The following SEMA5A variants were observed in gnomAD, a reference collection of about 807,000 sequenced individuals.
SEMA5A encodes semaphorin 5A, also known as semaphorin-5A.
A neutral mutation model predicts 135.5 loss-of-function variants in SEMA5A; 55 were observed. The ratio of observed to expected loss-of-function variants is 0.41; its 90% CI spans 0.33 to 0.51. The LOEUF is 0.51. SEMA5A is among the 20% of genes least tolerant of loss of function. The pLI is 0.37. For missense variants in SEMA5A, 1,290 were observed against 1,419.9 expected (o/e 0.91, Z 1.47); for synonymous variants, 580 against 546.5 (o/e 1.06, Z -0.85).
chr5:9,110,650 T>C (rs3777248), intron 15 of SEMA5A, among the ~76,000 whole-genome samples: 17,668 of 152,148 alleles, frequency 0.12, 1,580 homozygotes, highest in East Asian at 0.32. Flanking sequence ...GGAGAGATAG[T>C]TGATGTGTAG....
intron 16 of SEMA5A, among the ~76,000 whole-genome samples, chr5:9,073,280 G>A (rs951259459): frequency 6.6e-6 from 1 of 152,080 alleles, no homozygotes; most frequent in African/African-American, 2.4e-5. Context: ...TGGCTTTCAT[G>A]TCATCAATGA....
At chr5:9,334,226 G>A (rs1351087221) in intron 4 of SEMA5A, among the ~76,000 whole-genome samples, 2 of 151,952 alleles carry the variant, frequency 1.3e-5, no homozygotes, top group East Asian at 1.9e-4. Context: ...AAAAAAAATC[G>A]ACTATTATTC....
intron 12 of SEMA5A, among the ~76,000 whole-genome samples, chr5:9,150,609 C>T (rs1742581543): frequency 6.6e-6 from 1 of 152,094 alleles, no homozygotes; most frequent in African/African-American, 2.4e-5. Context: ...TGATCAGTCA[C>T]AACACACGTG....
intron 1 of SEMA5A, among the ~76,000 whole-genome samples, chr5:9,519,644 A>G (rs1736708682): frequency 6.6e-6 from 1 of 152,204 alleles, no homozygotes; most frequent in Admixed American, 6.5e-5. Flanking sequence ...GTTTCCCATC[A>G]CCATGCATGT....
At chr5:9,520,248 C>T (rs1034278555) in intron 1 of SEMA5A, among the ~76,000 whole-genome samples, 2 of 152,220 alleles carry the variant, frequency 1.3e-5, no homozygotes, top group African/African-American at 4.8e-5. Context: ...GTTGTCAGGA[C>T]TGGACATACA....
chr5:9,321,782 C>T (rs955525582), intron 4 of SEMA5A, among the ~76,000 whole-genome samples: 17 of 152,168 alleles, frequency 1.1e-4, no homozygotes, highest in Non-Finnish European at 2.4e-4. Flanking sequence ...GAAACTCATT[C>T]ATTTAGTAAA....
At chr5:9,298,141 A>G (rs1268934297) in intron 5 of SEMA5A, among the ~76,000 whole-genome samples, 1 of 152,220 alleles carries the variant, frequency 6.6e-6, no homozygotes, top group East Asian at 1.9e-4. Flanking sequence ...TACAGAGGTA[A>G]TCAAGTTAAA....
At chr5:9,268,453 G>A (rs1749794191) in intron 5 of SEMA5A, among the ~76,000 whole-genome samples, 2 of 152,066 alleles carry the variant, frequency 1.3e-5, no homozygotes, top group African/African-American at 4.8e-5. Flanking sequence ...AGACTCCCAG[G>A]GAAGGAAATG....
chr5:9,468,421 G>A (rs1420366974), intron 1 of SEMA5A, among the ~76,000 whole-genome samples: 1 of 152,164 alleles, frequency 6.6e-6, no homozygotes, highest in African/African-American at 2.4e-5. Flanking sequence ...AACCTAAAAA[G>A]TGTAGGTTTG....
At chr5:9,151,244 C>T (rs1742619804) in intron 12 of SEMA5A, among the ~76,000 whole-genome samples, 1 of 152,036 alleles carries the variant, frequency 6.6e-6, no homozygotes, top group African/African-American at 2.4e-5. Context: ...TGTGCATTGT[C>T]TTTGGAAAAA....
chr5:9,223,155 G>C (rs1747097305), intron 8 of SEMA5A, among the ~76,000 whole-genome samples: 1 of 152,196 alleles, frequency 6.6e-6, no homozygotes, highest in African/African-American at 2.4e-5. Flanking sequence ...TGATGTTAAT[G>C]GGAGAATTCT....
rs397935817 is a variant in SEMA5A at position 9,145,802 on chromosome 5, C to CTT, written c.1481+8684_1481+8685dup. 1.0e-2 allele frequency among the ~76,000 whole-genome samples: 1,383 copies of CTT among 138,898 alleles called. 15 individuals are homozygous for CTT. Among genetic ancestry groups the CTT allele is most frequent in the African/African-American group, 0.03 (1,124 of 37,436 alleles). 91.1% of individuals were successfully genotyped at this position (138,898 alleles called of 152,430 possible). A position where few individuals can be genotyped will look rare whatever the true frequency, so the allele number is the denominator to read the frequency against. ...TACAGGCGCCTGCCACCACATCCAG[C>CTT]TTTTTTTTTTTTTTGTATTTTTAGC... On this transcript the variant is annotated intron_variant, in intron 12 of 22. Coordinates refer to ENST00000382496, the MANE Select transcript of SEMA5A (RefSeq NM_003966.3).
chr5:9,456,315 C>T (rs943147691), intron 1 of SEMA5A, among the ~76,000 whole-genome samples: 1 of 152,230 alleles, frequency 6.6e-6, no homozygotes, highest in Non-Finnish European at 1.5e-5. Flanking sequence ...CTGCAACTGG[C>T]TGCTTCTGTA....
chr5:9,190,361 GGGCACT>G lies in SEMA5A; in HGVS notation c.1173_1178del (p.Val392_Pro393del). On this transcript the variant is annotated inframe_deletion, in exon 11 of 23. Coordinates refer to ENST00000382496, the MANE Select transcript of SEMA5A (RefSeq NM_003966.3). ...AGCGGCTATTGTCCTCCATGAAGGA[GGGCACT>G]GTGGTCACTGGCTGTACCACCTCAT... The G allele has an allele frequency of 6.2e-7, 1 of 1,614,008 alleles. No individual in the cohort carries two copies. Among genetic ancestry groups the G allele is most frequent in the Non-Finnish European group, 8.5e-7 (1 of 1,180,014 alleles).
At position 9,038,348 on chromosome 5, in the gene SEMA5A, G is replaced by A. The variant is rs1041124762; in HGVS notation, c.*4549C>T. Reference sequence around the variant, plus strand: ...TAGTACCTGTTGCCTCTGGTTCTGTGTTCCAGAGCCATCTCTTGAGATAGA... The same window carrying A: ...TAGTACCTGTTGCCTCTGGTTCTGTATTCCAGAGCCATCTCTTGAGATAGA... On this transcript the variant is annotated 3_prime_UTR_variant, in exon 23 of 23. Coordinates refer to ENST00000382496, the MANE Select transcript of SEMA5A (RefSeq NM_003966.3). The A allele has an allele frequency of 6.6e-6, 1 of 152,136 alleles. No individual in the cohort carries two copies. The highest frequency in any genetic ancestry group is 2.4e-5 in the African/African-American group (1 of 41,416). The allele number at this position is 152,136 out of a possible 1,614,324, so 9.4% of individuals were successfully genotyped here.
At chr5:9,450,162 C>A (rs984848948) in intron 1 of SEMA5A, among the ~76,000 whole-genome samples, 3 of 152,174 alleles carry the variant, frequency 2.0e-5, no homozygotes, top group African/African-American at 7.2e-5. Context: ...GTCTCCACTG[C>A]CCTTGAGAAC....
intron 5 of SEMA5A, among the ~76,000 whole-genome samples, chr5:9,251,594 G>A (rs994413902): frequency 5.9e-5 from 9 of 152,150 alleles, no homozygotes; most frequent in Admixed American, 2.6e-4. Context: ...AGATTAACCA[G>A]AACCAATATG....
At chr5:9,183,374 G>A (rs1231905091) in intron 11 of SEMA5A, among the ~76,000 whole-genome samples, 1 of 152,130 alleles carries the variant, frequency 6.6e-6, no homozygotes, top group Non-Finnish European at 1.5e-5. Flanking sequence ...CTGCACTTCT[G>A]GGCTGCAGCT....
At chr5:9,147,994 G>A (rs1324403138) in intron 12 of SEMA5A, among the ~76,000 whole-genome samples, 1 of 152,156 alleles carries the variant, frequency 6.6e-6, no homozygotes, top group Non-Finnish European at 1.5e-5. Context: ...CCCAGGCTTT[G>A]GGAGCTTATG....
Sources: gnomAD v4.1 joint callset for allele counts (sites outside exome capture counted in the v4.1 genomes callset) on GRCh38, gnomAD v4.1.1 for gene constraint, MANE v1.5 for transcripts, NCBI Gene and HGNC (gene_info 2026-07-23, HGNC 2026-07-21) for gene names.